The following SCN2A variants were observed in gnomAD, a reference collection of about 807,000 sequenced individuals.
SCN2A encodes the protein sodium voltage-gated channel alpha subunit 2.
A neutral mutation model predicts 188.7 loss-of-function variants in SCN2A; 20 were observed. That is an observed-to-expected ratio of 0.11 (90% CI 0.07 to 0.15). SCN2A has a LOEUF of 0.15. Among genes scored for constraint, SCN2A ranks in the 10% least tolerant of loss-of-function variants. SCN2A has a pLI of 1.00. For synonymous variants in SCN2A, 804 were observed against 833.1 expected, an observed-to-expected ratio of 0.97 and a Z score of 0.60; for missense variants, 1,278 against 2,445.0, an observed-to-expected ratio of 0.52 and a Z score of 10.07.
chr2:165,342,172 G>A (rs941170272), intron 14 of SCN2A, 124 bp from the exon 15 acceptor site: 2 of 833,698 alleles, frequency 2.4e-6, no homozygotes, highest in Admixed American at 4.3e-5. Context: ...TAAGTTGTTG[G>A]ACCTAAACCA....
intron 3 of SCN2A, among the ~76,000 whole-genome samples, chr2:165,304,304 G>A (rs1418544785): frequency 6.6e-6 from 1 of 151,988 alleles, no homozygotes; most frequent in African/African-American, 2.4e-5. Flanking sequence ...CATTTTACCC[G>A]GGCTGGTCTC....
chr2:165,296,987 T>C, intron 2 of SCN2A, 30 bp from the exon 3 acceptor site: 1 of 1,139,200 alleles, frequency 8.8e-7, no homozygotes, highest in Non-Finnish European at 1.3e-6. Context: ...ATTCTAAGTT[T>C]TATTTTATGT....
At chr2:165,331,704 T>C (rs1289510128) in intron 14 of SCN2A, 136 bp downstream of exon 14, 2 of 745,804 alleles carry the variant, frequency 2.7e-6, no homozygotes, top group African/African-American at 3.5e-5. Flanking sequence ...GCATCCCTTT[T>C]AAATAACAAA....
chr2:165,248,088 T>C (rs1371427638), intron 1 of SCN2A, among the ~76,000 whole-genome samples: 1 of 152,176 alleles, frequency 6.6e-6, no homozygotes, highest in African/African-American at 2.4e-5. Flanking sequence ...TTCACACTGC[T>C]ACCCTGCTCA....
At chr2:165,344,125 C>T (rs1699445560) in intron 15 of SCN2A, among the ~76,000 whole-genome samples, 1 of 152,018 alleles carries the variant, frequency 6.6e-6, no homozygotes, top group Admixed American at 6.6e-5. Flanking sequence ...TAAGGAGAAA[C>T]AAAAGTGTAT....
intron 17 of SCN2A, among the ~76,000 whole-genome samples, chr2:165,359,594 C>G (rs1186048363): frequency 6.6e-6 from 1 of 151,978 alleles, no homozygotes; most frequent in Non-Finnish European, 1.5e-5. Context: ...AAAAAATATA[C>G]TAATTTCTAA....
chr2:165,326,893 T>C lies in SCN2A; in HGVS notation c.2058T>C (p.Ser686=), dbSNP rs1334530455. The part of the protein sequence containing the change: ...TETEIRKRRS[S]SYHVSMDLLE... ...CAGAAATAAGAAAGAGACGGTCCAG[T>C]TCTTATCATGTTTCCATGGATTTAT... The change falls in exon 13 of 27, where the codon AGT becomes AGC. Residue 686 remains serine (S), a synonymous_variant. Coordinates refer to ENST00000375437, the MANE Select transcript of SCN2A (RefSeq NM_001040142.2). 2 of 1,614,034 alleles carry C rather than the reference T, an allele frequency of 1.2e-6. No individual in the cohort carries two copies. Among genetic ancestry groups the C allele is most frequent in the Non-Finnish European group, 1.7e-6 (2 of 1,179,934 alleles).
intron 1 of SCN2A, among the ~76,000 whole-genome samples, chr2:165,265,880 G>A (rs991236327): frequency 6.0e-5 from 9 of 150,762 alleles, no homozygotes; most frequent in African/African-American, 2.2e-4. Context: ...GGAGTCTAGT[G>A]GTGCAATCAT....
chr2:165,262,672 C>T (rs1694656259), intron 1 of SCN2A, among the ~76,000 whole-genome samples: 1 of 151,894 alleles, frequency 6.6e-6, no homozygotes, highest in South Asian at 2.1e-4. Context: ...TGGGCTGGTG[C>T]CATATTTTTG....
chr2:165,357,375 C>G (rs1325846045), intron 17 of SCN2A, among the ~76,000 whole-genome samples: 1 of 152,024 alleles, frequency 6.6e-6, no homozygotes. Context: ...TATTACCAAT[C>G]CTTTCTAAAT....
At chr2:165,279,701 G>A (rs1695502025) in intron 1 of SCN2A, among the ~76,000 whole-genome samples, 1 of 152,152 alleles carries the variant, frequency 6.6e-6, no homozygotes. Context: ...AGATAGATAT[G>A]TAATTTCAGA....
At chr2:165,288,100 A>G (rs147576886) in intron 1 of SCN2A, among the ~76,000 whole-genome samples, 1 of 152,102 alleles carries the variant, frequency 6.6e-6, no homozygotes, top group East Asian at 1.9e-4. Context: ...AATATGTGTC[A>G]CTCACTGAGA....
chr2:165,289,428 C>T (rs558910608), intron 1 of SCN2A, among the ~76,000 whole-genome samples: 1 of 152,140 alleles, frequency 6.6e-6, no homozygotes, highest in East Asian at 1.9e-4. Flanking sequence ...TTTTTATTTT[C>T]TGACTACTTC....
intron 3 of SCN2A, among the ~76,000 whole-genome samples, chr2:165,307,428 G>A (rs1234163103): frequency 6.6e-6 from 1 of 151,888 alleles, no homozygotes; most frequent in African/African-American, 2.4e-5. Flanking sequence ...ATTCCACCAG[G>A]GTAACTTTTA....
At chr2:165,256,788 A>G (rs1417012994) in intron 1 of SCN2A, among the ~76,000 whole-genome samples, 1 of 152,110 alleles carries the variant, frequency 6.6e-6, no homozygotes, top group Non-Finnish European at 1.5e-5. Flanking sequence ...GTATCTTTTC[A>G]TATGTTTGGC....
intron 17 of SCN2A, among the ~76,000 whole-genome samples, chr2:165,358,484 C>T (rs1384006078): frequency 6.6e-6 from 1 of 151,840 alleles, no homozygotes; most frequent in Admixed American, 6.6e-5. Context: ...AGGAGTTGAC[C>T]AACAGTATTT....
chr2:165,349,693 C>T (rs540128942), intron 16 of SCN2A, among the ~76,000 whole-genome samples: 2 of 152,096 alleles, frequency 1.3e-5, no homozygotes, highest in East Asian at 3.9e-4. Context: ...AAAGGTTCTC[C>T]TTTCTTTTTG....
intron 11 of SCN2A, among the ~76,000 whole-genome samples, chr2:165,318,640 T>C (rs1011921570): frequency 3.9e-5 from 6 of 152,240 alleles, no homozygotes; most frequent in African/African-American, 1.4e-4. Flanking sequence ...TTGAGAAACA[T>C]GCAAACTTAT....
intron 1 of SCN2A, among the ~76,000 whole-genome samples, chr2:165,257,449 A>G (rs1016887595): frequency 2.0e-5 from 3 of 152,138 alleles, no homozygotes; most frequent in Admixed American, 6.5e-5. Flanking sequence ...TCACTTTTTA[A>G]TCATAGCCAT....
Sources: allele counts gnomAD v4.1 joint callset (sites outside exome capture counted in the v4.1 genomes callset), GRCh38; gene constraint gnomAD v4.1.1; transcripts MANE v1.5; gene names NCBI Gene and HGNC (gene_info 2026-07-23, HGNC 2026-07-21).